Variants in RORA observed in about 807,000 individuals in gnomAD.
RORA encodes nuclear receptor ROR-alpha.
RORA carries 7 observed loss-of-function variants against 69.5 expected under a neutral mutation model. The ratio of observed to expected loss-of-function variants is 0.10; its 90% confidence interval spans 0.06 to 0.19. The LOEUF is 0.19. Ranked by LOEUF, RORA falls within the 10% of genes least tolerant of loss-of-function variation. The probability of loss-of-function intolerance (pLI) is 1.00; values close to 1 mark genes in which losing one functional copy is unlikely to be tolerated. For missense variants in RORA, 457 were observed against 663.0 expected, an observed-to-expected ratio of 0.69 and a Z score of 3.41; for synonymous variants, 261 against 240.8, an observed-to-expected ratio of 1.08 and a Z score of -0.78.
intron 1 of RORA, among the ~76,000 whole-genome samples, chr15:60,798,476 T>G (rs781383777): frequency 6.6e-6 from 1 of 152,096 alleles, no homozygotes; most frequent in African/African-American, 2.4e-5. Context: ...ACATGCTTAG[T>G]TGTCTGGTTC....
chr15:60,683,744 T>C (rs2070694491), intron 1 of RORA, among the ~76,000 whole-genome samples: 1 of 151,904 alleles, frequency 6.6e-6, no homozygotes, highest in Non-Finnish European at 1.5e-5. Context: ...ATGACAGAAG[T>C]TTTAAATTGC....
At chr15:61,188,163 A>T (rs1672687417) in intron 1 of RORA, among the ~76,000 whole-genome samples, 1 of 152,034 alleles carries the variant, frequency 6.6e-6, no homozygotes, top group Non-Finnish European at 1.5e-5. Flanking sequence ...CACCCGACAC[A>T]CCTCAGGGCC....
rs2065927698 is a variant in RORA at position 60,516,173 on chromosome 15, T to TTAAATATATATATTTATATATATATTTA, written c.283-1417_283-1416insTAAATATATATATAAATATATATATTTA. The stretch of plus-strand genomic sequence containing the variant: ...TATATATATATATTTATATATATAT[T>TTAAATATATATATTTATATATATATTTA]TATATATATATTTATATATATATTT... On this transcript the variant is annotated intron_variant, in intron 3 of 10. Coordinates refer to ENST00000335670, the MANE Select transcript of RORA (RefSeq NM_134261.3). Among the ~76,000 whole-genome samples the TTAAATATATATATTTATATATATATTTA allele has an allele frequency of 1.2e-4, 4 of 34,724 alleles. 1 individual carries two copies. The highest frequency in any genetic ancestry group is 4.1e-4 in the African/African-American group (4 of 9,768). The allele number at this position is 34,724 out of a possible 152,430, so 22.8% of individuals were successfully genotyped here.
chr15:61,073,956 C>G (rs1898471), intron 1 of RORA, among the ~76,000 whole-genome samples: 38,209 of 152,140 alleles, frequency 0.25, 4,956 homozygotes, highest in Non-Finnish European at 0.28. Flanking sequence ...ACATAAGATA[C>G]TATTTCCTTC....
chr15:60,853,893 A>C (rs762099270), intron 1 of RORA, among the ~76,000 whole-genome samples: 3 of 152,260 alleles, frequency 2.0e-5, no homozygotes, highest in Non-Finnish European at 4.4e-5. Context: ...CTGGAAATTT[A>C]ATGACTTTAA....
At chr15:60,714,467 C>T (rs563767770) in intron 1 of RORA, among the ~76,000 whole-genome samples, 24 of 152,044 alleles carry the variant, frequency 1.6e-4, no homozygotes, top group African/African-American at 5.1e-4. Context: ...TGGGCTCAAG[C>T]GATTCTCCTG....
At chr15:60,701,324 C>T (rs1005169075) in intron 1 of RORA, among the ~76,000 whole-genome samples, 1 of 152,138 alleles carries the variant, frequency 6.6e-6, no homozygotes, top group Non-Finnish European at 1.5e-5. Flanking sequence ...AACACCTTAG[C>T]TTCCTAGAAG....
chr15:60,496,168 G>A lies in RORA; in HGVS notation c.*1287C>T, dbSNP rs1380765445. On this transcript the variant is annotated 3_prime_UTR_variant, in exon 11 of 11. Transcript: ENST00000335670. This position sits in a 1 kb window ranked among gnomAD's most constrained non-coding sequence, Gnocchi z 4.5. ...TCTATTGACAACAAATCTAGAATTAGTTCACTCTGAGATAAACTCATAGGG... is the reference window on the plus strand; with the variant it reads ...TCTATTGACAACAAATCTAGAATTAATTCACTCTGAGATAAACTCATAGGG... The A allele has an allele frequency of 2.6e-5, 4 of 152,138 alleles. No individual in the cohort carries two copies. The highest frequency in any genetic ancestry group is 5.9e-5 in the Non-Finnish European group (4 of 68,028). 9.4% of individuals were successfully genotyped at this position (152,138 alleles called of 1,614,324 possible). A position where few individuals can be genotyped will look rare whatever the true frequency, so the allele number is the denominator to read the frequency against.
At chr15:60,870,653 A>C (rs371659520) in intron 1 of RORA, among the ~76,000 whole-genome samples, 1 of 152,348 alleles carries the variant, frequency 6.6e-6, no homozygotes, top group East Asian at 1.9e-4. Context: ...TTTGCACAGA[A>C]ACCTACTTGG....
chr15:60,530,721 A>G (rs1049486514), intron 3 of RORA: 4 of 152,208 alleles, frequency 2.6e-5, no homozygotes, highest in African/African-American at 7.2e-5. Context: ...TGTATTTTAC[A>G]ACATTGTATT....
chr15:60,802,704 C>T (rs1567196588), intron 1 of RORA, among the ~76,000 whole-genome samples: 1 of 152,130 alleles, frequency 6.6e-6, no homozygotes, highest in Non-Finnish European at 1.5e-5. Context: ...TAATATTCAC[C>T]TGTTGTTGTC....
chr15:60,747,995 A>T (rs1187571927), intron 1 of RORA, among the ~76,000 whole-genome samples: 1 of 152,202 alleles, frequency 6.6e-6, no homozygotes, highest in Non-Finnish European at 1.5e-5. Context: ...AAAGTTTAAA[A>T]TGTTGCAAAT....
chr15:60,611,138 C>T (rs372111869), intron 2 of RORA, among the ~76,000 whole-genome samples: 24 of 152,138 alleles, frequency 1.6e-4, no homozygotes, highest in African/African-American at 3.6e-4. Context: ...TTTCTATTGC[C>T]GCTCAATTAT....
chr15:61,058,699 G>A lies in RORA; in HGVS notation c.166+170354C>T, dbSNP rs559537033. 7.9e-5 allele frequency among the ~76,000 whole-genome samples: 12 copies of A among 152,318 alleles called. 1 individual carries two copies. In the South Asian group the frequency reaches 2.1e-3, roughly 26 times the overall value. On this transcript the variant is annotated intron_variant, in intron 1 of 10. Transcript: ENST00000335670. ...AGCCAGGGGATTCAGGAGACCCTCTGTCTAGGGCCTAGCACTTTGTATCTT... is the reference window on the plus strand; with the variant it reads ...AGCCAGGGGATTCAGGAGACCCTCTATCTAGGGCCTAGCACTTTGTATCTT...
intron 1 of RORA, among the ~76,000 whole-genome samples, chr15:60,910,800 ACT>A (rs1891684799): frequency 6.6e-6 from 1 of 151,612 alleles, no homozygotes; most frequent in African/African-American, 2.4e-5. Context: ...TCATCCCCAC[ACT>A]GTCAGTCATG....
chr15:61,092,264 G>A lies in RORA; in HGVS notation c.166+136789C>T, dbSNP rs1215369477. 2.6e-5 allele frequency among the ~76,000 whole-genome samples: 4 copies of A among 152,270 alleles called. No individual in the cohort carries two copies. The East Asian group carries it at 5.8e-4, about 22-fold the overall frequency. ...AAGCAAATATGAAACTCACTTAAAG[G>A]CTGGCAGTATGTTCAAAAAAATGTG... On this transcript the variant is annotated intron_variant, in intron 1 of 10. Coordinates refer to ENST00000335670, the MANE Select transcript of RORA (RefSeq NM_134261.3).
intron 1 of RORA, among the ~76,000 whole-genome samples, chr15:60,799,977 T>C (rs1353748564): frequency 6.6e-6 from 1 of 152,232 alleles, no homozygotes; most frequent in Non-Finnish European, 1.5e-5. Flanking sequence ...CTCTGTTTCC[T>C]ATAGAGGGCT....
chr15:60,576,141 T>C (rs911275488), intron 2 of RORA, among the ~76,000 whole-genome samples: 11 of 152,224 alleles, frequency 7.2e-5, no homozygotes, highest in Non-Finnish European at 1.3e-4. Context: ...GGAGGTGCTT[T>C]TTCTCATGGG....
At chr15:60,864,723 T>C (rs530984704) in intron 1 of RORA, among the ~76,000 whole-genome samples, 15 of 152,354 alleles carry the variant, frequency 9.8e-5, no homozygotes, top group South Asian at 2.1e-4. Context: ...ATGTCCCTTA[T>C]AGATACATAT....
Sources: gnomAD v4.1 joint callset for allele counts (sites outside exome capture counted in the v4.1 genomes callset) on GRCh38, gnomAD v4.1.1 for gene constraint, Gnocchi (gnomAD v3.1) non-coding constraint, MANE v1.5 for transcripts, NCBI Gene and HGNC (gene_info 2026-07-23, HGNC 2026-07-21) for gene names.